Variants in DOT1L observed in about 807,000 individuals in gnomAD.
The protein encoded by DOT1L is histone-lysine N-methyltransferase, H3 lysine-79 specific.
In DOT1L, 33 loss-of-function variants were observed where a neutral mutation model predicts 153.3. That is an observed-to-expected ratio of 0.22 (90% CI 0.16 to 0.29). The LOEUF (loss-of-function observed/expected upper bound fraction) is 0.29. Among genes scored for constraint, DOT1L ranks in the 10% least tolerant of loss-of-function variants. The pLI is 1.00. For synonymous variants in DOT1L, 1,135 were observed against 965.1 expected (o/e 1.18, Z -3.26); for missense variants, 1,847 against 2,119.9 (o/e 0.87, Z 2.53).
In DOT1L at chr19:2,164,099, T is replaced by TCCCG. The variant is rs1016980663; in HGVS notation, c.-78_-75dup. The TCCCG allele has an allele frequency of 5.2e-4, 6 of 11,610 alleles. No individual in the cohort carries two copies. Among genetic ancestry groups the TCCCG allele is most frequent in the African/African-American group, 2.0e-3 (6 of 3,072 alleles). 0.7% of individuals were successfully genotyped at this position (11,610 alleles called of 1,614,324 possible). A position where few individuals can be genotyped will look rare whatever the true frequency, so the allele number is the denominator to read the frequency against. On this transcript the variant is annotated 5_prime_UTR_variant, in exon 1 of 28. Coordinates refer to ENST00000398665, the MANE Select transcript of DOT1L (RefSeq NM_032482.3). ...CTCCCCTCAGCCTCCCGCCCCTCCCTCCCGCCCGCCCTCCTCCGCCCACCG... is the reference window on the plus strand; with the variant it reads ...CTCCCCTCAGCCTCCCGCCCCTCCCTCCCGCCCGCCCGCCCTCCTCCGCCCACCG...
chr19:2,221,839 T>G, intron 23 of DOT1L, 137 bp from the exon 24 acceptor site: 1 of 934,566 alleles, frequency 1.1e-6, no homozygotes, highest in Non-Finnish European at 1.6e-6. Flanking sequence ...GAGGGGCCGT[T>G]TTCAGACTCC....
In DOT1L at chr19:2,190,927, C is replaced by G; in HGVS notation, c.265-85C>G. 1.5e-6 allele frequency: 2 copies of G among 1,317,252 alleles called. No individual in the cohort carries two copies. The highest frequency in any genetic ancestry group is 1.0e-6 in the Non-Finnish European group (1 of 962,328). 81.6% of individuals were successfully genotyped at this position (1,317,252 alleles called of 1,614,324 possible). On this transcript the variant is annotated intron_variant, in intron 4 of 27. Transcript: ENST00000398665. The surrounding 1 kb of genome is among the most constrained non-coding windows in gnomAD (Gnocchi z 4.8). ...GGCCATGCAGCCGACTCCCTGCTTC[C>G]GCTGGGAAAGGTCCCGGGTCTTGGT...
intron 22 of DOT1L, among the ~76,000 whole-genome samples, chr19:2,218,733 G>T (rs2024003474): frequency 6.6e-6 from 1 of 151,524 alleles, no homozygotes; most frequent in African/African-American, 2.4e-5. Context: ...GACTCATTCT[G>T]TCCCCCAGGC....
In DOT1L at chr19:2,175,142, G is replaced by C. The variant is rs923722071; in HGVS notation, c.82-5571G>C. Among the ~76,000 whole-genome samples the C allele has an allele frequency of 2.6e-4, 40 of 151,930 alleles. 1 individual carries two copies. Among genetic ancestry groups the C allele is most frequent in the African/African-American group, 8.7e-4 (36 of 41,352 alleles). On this transcript the variant is annotated intron_variant, in intron 1 of 27. Coordinates refer to ENST00000398665, the MANE Select transcript of DOT1L (RefSeq NM_032482.3). ...TCCTCCCAAGTAGCTGGGACTACAG[G>C]CGCCCACCACCACGCCCGGTTAATT...
rs2022903049 is a variant in DOT1L, at chr19:2,193,917, G to A, written c.588+134G>A. 1 of 919,616 alleles carries A rather than the reference G, an allele frequency of 1.1e-6. No individual in the cohort carries two copies. The allele number at this position is 919,616 out of a possible 1,614,324, so 57.0% of individuals were successfully genotyped here. ...GTTCTTTCCAGGCCCAAGACGTCTT[G>A]GTTGCCTGCAGCGTGTGCCTGTGAA... is the stretch of plus-strand genomic sequence containing the variant. On this transcript the variant is annotated intron_variant, in intron 6 of 27. Coordinates refer to ENST00000398665, the MANE Select transcript of DOT1L (RefSeq NM_032482.3). This position sits in a 1 kb window ranked among gnomAD's most constrained non-coding sequence, Gnocchi z 5.9.
At chr19:2,215,624 G>A (rs1173024678) in intron 19 of DOT1L, 3 of 152,268 alleles carry the variant, frequency 2.0e-5, no homozygotes, top group South Asian at 2.1e-4. Context: ...TCTCACGGGC[G>A]GCTGACGGAC....
At chr19:2,205,924 T>C (rs541967906) in intron 9 of DOT1L, among the ~76,000 whole-genome samples, 180 of 152,240 alleles carry the variant, frequency 1.2e-3, no homozygotes, top group African/African-American at 4.0e-3. Flanking sequence ...CTGGAACTTC[T>C]GGCAGTCTGC....
chr19:2,169,003 C>T (rs1050847188), intron 1 of DOT1L, among the ~76,000 whole-genome samples: 1 of 152,154 alleles, frequency 6.6e-6, no homozygotes, highest in African/African-American at 2.4e-5. Flanking sequence ...TCGGAAAGAA[C>T]CTTCAAAGGC....
rs2022808700 is a variant in DOT1L at position 2,191,846 on chromosome 19, A to C, written c.493+606A>C. Reference sequence around the variant, plus strand: ...TGCCTGCACTCAGACTCTGCTTGTGAGGTGTCGTCTCCTCTCAACCACGGG... The same window carrying C: ...TGCCTGCACTCAGACTCTGCTTGTGCGGTGTCGTCTCCTCTCAACCACGGG... On this transcript the variant is annotated intron_variant, in intron 5 of 27. Transcript: ENST00000398665. The surrounding 1 kb of genome is among the most constrained non-coding windows in gnomAD (Gnocchi z 6.8). Among the ~76,000 whole-genome samples, 1 of 152,092 alleles carries C rather than the reference A, an allele frequency of 6.6e-6. No individual in the cohort carries two copies. Among genetic ancestry groups the C allele is most frequent in the South Asian group, 2.1e-4 (1 of 4,830 alleles).
At chr19:2,212,134 C>G in intron 16 of DOT1L, 3 of 333,548 alleles carry the variant, frequency 9.0e-6, no homozygotes, top group Non-Finnish European at 1.6e-5. Context: ...GCACAGGTCC[C>G]TCCCCCGGTT....
chr19:2,210,550 G>C lies in DOT1L; in HGVS notation c.1116+40G>C, dbSNP rs369191849. On this transcript the variant is annotated intron_variant, in intron 13 of 27. Transcript: ENST00000398665. ...TGGCTCCTGCTGCTGGAGGGCACCC[G>C]CCCCCTGCCCGGGAGACCCCATGGG... 2.2e-4 allele frequency: 342 copies of C among 1,587,998 alleles called. 2 individuals are homozygous for C. In the East Asian group the frequency reaches 7.6e-3, roughly 35 times the overall value.
intron 7 of DOT1L, among the ~76,000 whole-genome samples, chr19:2,199,581 G>T (rs978335223): frequency 1.3e-5 from 2 of 152,222 alleles, no homozygotes; most frequent in African/African-American, 4.8e-5. Flanking sequence ...CTGCAGCGTG[G>T]CTTGCAGGTG....
rs1282655597 is a variant in DOT1L at position 2,229,670 on chromosome 19, C to T, written c.4607-115C>T. 3.7e-6 allele frequency: 6 copies of T among 1,600,214 alleles called. No homozygotes were observed. In the African/African-American group the frequency reaches 5.3e-5, roughly 14 times the overall value. On this transcript the variant is annotated intron_variant, in intron 27 of 27. Coordinates refer to ENST00000398665, the MANE Select transcript of DOT1L (RefSeq NM_032482.3). ...GGCACTATGCCTGTCATGGTGCTGG[C>T]CCCAGGTGGCGTGTGTGCTCGTGGG... is the stretch of plus-strand genomic sequence containing the variant.
Position 2,207,439 on chromosome 19 carries a change from C to A in DOT1L, c.857-135C>A. 1.4e-6 allele frequency: 1 copy of A among 713,026 alleles called. No individual in the cohort carries two copies. The highest frequency in any genetic ancestry group is 2.3e-6 in the Non-Finnish European group (1 of 439,268). The allele number at this position is 713,026 out of a possible 1,614,324, so 44.2% of individuals were successfully genotyped here. On this transcript the variant is annotated intron_variant, in intron 10 of 27. Transcript: ENST00000398665. The surrounding 1 kb of genome is among the most constrained non-coding windows in gnomAD (Gnocchi z 4.5). ...GGCCGGCCTCTGTGGGCCACTGTGG[C>A]CTGACGCAGTGTGGGAGAAGAGGGA...
chr19:2,186,741 C>A (rs1253894952), intron 3 of DOT1L, among the ~76,000 whole-genome samples: 2 of 152,262 alleles, frequency 1.3e-5, no homozygotes, highest in Non-Finnish European at 2.9e-5. Flanking sequence ...CCCTGGTGCC[C>A]CACAGGCAGA....
intron 7 of DOT1L, among the ~76,000 whole-genome samples, chr19:2,196,914 C>T (rs1019574311): frequency 9.9e-5 from 15 of 152,214 alleles, no homozygotes; most frequent in Middle Eastern, 3.2e-3. Context: ...GAGTGTGCAG[C>T]GTGCGCTTTT....
At chr19:2,187,808 G>A (rs1462355828) in intron 3 of DOT1L, among the ~76,000 whole-genome samples, 1 of 151,870 alleles carries the variant, frequency 6.6e-6, no homozygotes, top group Admixed American at 6.6e-5. Context: ...TGTAGTCCCA[G>A]TTAGTCAGGA....
In DOT1L at chr19:2,217,377, T is replaced by G. The variant is rs2023947800; in HGVS notation, c.2544+287T>G. On this transcript the variant is annotated intron_variant, in intron 21 of 27. Coordinates refer to ENST00000398665, the MANE Select transcript of DOT1L (RefSeq NM_032482.3). This position sits in a 1 kb window ranked among gnomAD's most constrained non-coding sequence, Gnocchi z 7.3. ...GCTGGTAGAGACACAGAGCCCAGTT[T>G]GGGAGGCCGCTGCCCATGAGGACTT... is the stretch of plus-strand genomic sequence containing the variant. 6.6e-6 allele frequency among the ~76,000 whole-genome samples: 1 copy of G among 151,950 alleles called. No individual in the cohort carries two copies. The highest frequency in any genetic ancestry group is 1.5e-5 in the Non-Finnish European group (1 of 67,938).
Position 2,226,597 on chromosome 19 carries a change from A to G in DOT1L, c.4076A>G (p.Lys1359Arg), listed in dbSNP as rs765453824. Reference protein sequence around the residue: ...SPLSFPSQRGKEGSDANPFLS... With the variant: ...SPLSFPSQRGREGSDANPFLS... ...CTGAGCTTCCCCTCGCAGCGCGGCAAGGAGGGCTCGGACGCCAACCCTTTC... is the reference window on the plus strand; with the variant it reads ...CTGAGCTTCCCCTCGCAGCGCGGCAGGGAGGGCTCGGACGCCAACCCTTTC... Residue 1359 changes from lysine to arginine, a missense_variant, in exon 27 of 28, where the codon AAG becomes AGG. Coordinates refer to ENST00000398665, the MANE Select transcript of DOT1L (RefSeq NM_032482.3). 1.0e-5 allele frequency: 16 copies of G among 1,598,932 alleles called. No homozygotes were observed. The highest frequency in any genetic ancestry group is 6.7e-5 in the Admixed American group (4 of 59,402).
Sources: gnomAD v4.1 joint callset for allele counts (sites outside exome capture counted in the v4.1 genomes callset) on GRCh38, gnomAD v4.1.1 for gene constraint, Gnocchi (gnomAD v3.1) non-coding constraint, MANE v1.5 for transcripts, NCBI Gene and HGNC (gene_info 2026-07-23, HGNC 2026-07-21) for gene names.